The following MMP10 variants were observed in gnomAD, a reference collection of about 807,000 sequenced individuals.
The protein encoded by MMP10 is stromelysin-2.
In MMP10, 50 loss-of-function variants were observed where a neutral mutation model predicts 49.1. That is an observed-to-expected ratio of 1.02 (90% CI 0.81 to 1.29). The LOEUF (loss-of-function observed/expected upper bound fraction) is 1.29, where lower values mean the gene tolerates loss of function less well. Ranked by LOEUF, MMP10 falls within the 50% of genes most tolerant of loss-of-function variation. The pLI is 0.00. For missense variants in MMP10, 613 were observed against 563.8 expected, an observed-to-expected ratio of 1.09 and a Z score of -0.88; for synonymous variants, 229 against 201.6, an observed-to-expected ratio of 1.14 and a Z score of -1.15.
At chr11:102,771,552 A>G (rs893626120) in intron 9 of MMP10, among the ~76,000 whole-genome samples, 8 of 152,170 alleles carry the variant, frequency 5.3e-5, no homozygotes, top group Admixed American at 4.6e-4. Flanking sequence ...GAGGACTAGT[A>G]TTTTATTTAC....
chr11:102,772,146 G>A lies in MMP10; in HGVS notation c.1227-31C>T. ...CCAAATGAAAGAAATACAGTTCAAT[G>A]ATGTGCAGTAGTCCCATTACACACA... On this transcript the variant is annotated intron_variant, in intron 8 of 9. Transcript: ENST00000279441. This position sits in a 1 kb window ranked among gnomAD's most constrained non-coding sequence, Gnocchi z 4.4. The A allele has an allele frequency of 7.5e-7, 1 of 1,340,138 alleles. No individual in the cohort carries two copies. Among genetic ancestry groups the A allele is most frequent in the Non-Finnish European group, 1.1e-6 (1 of 932,630 alleles). 83.0% of individuals were successfully genotyped at this position (1,340,138 alleles called of 1,614,324 possible).
chr11:102,779,919 G>A (rs555548254), intron 1 of MMP10, among the ~76,000 whole-genome samples, 174 bp from the exon 2 acceptor site: 1 of 152,258 alleles, frequency 6.6e-6, no homozygotes, highest in East Asian at 1.9e-4. Context: ...TTATTGCAAT[G>A]TTAGTTTGCT....
At chr11:102,775,470 G>A (rs1171877487) in intron 6 of MMP10, 149 bp from the exon 7 acceptor site, 4 of 582,988 alleles carry the variant, frequency 6.9e-6, no homozygotes, top group South Asian at 3.8e-5. Context: ...TAATGAAATC[G>A]ATGGCAGGAC....
At position 102,772,100 on chromosome 11, in the gene MMP10, G is replaced by C; in HGVS notation, c.1242C>G (p.Ser414Arg). Residue 414 changes from serine to arginine, a missense_variant, in exon 9 of 10, where the codon AGC (serine) becomes AGG (arginine). Transcript: ENST00000279441. This position sits in a 1 kb window ranked among gnomAD's most constrained non-coding sequence, Gnocchi z 4.4. Reference protein sequence around the residue: ...ADKYWRFDENSQSMEQGFPRL... With the variant: ...ADKYWRFDENRQSMEQGFPRL... ...TAGGGAAGCCTTGCTCCATGGACTG[G>C]CTATTTTCATCAAATCTAAACCAAA... 1 of 1,610,446 alleles carries C rather than the reference G, an allele frequency of 6.2e-7. No homozygotes were observed. The highest frequency in any genetic ancestry group is 8.5e-7 in the Non-Finnish European group (1 of 1,176,998).
rs754259716 is a variant in MMP10 at position 102,780,499 on chromosome 11, C to T, written c.93G>A (p.Lys31=). Residue 31 remains lysine, a synonymous_variant, in exon 1 of 10, where the codon AAG becomes AAA. Coordinates refer to ENST00000279441, the MANE Select transcript of MMP10 (RefSeq NM_002425.3). Reference sequence around the variant, plus strand: ...CACCGTTAATTACCTGGGCAAGATCCTTGTTGGAGTCCTCCTCTTTTGCTG... The same window carrying T: ...CACCGTTAATTACCTGGGCAAGATCTTTGTTGGAGTCCTCCTCTTTTGCTG... ...SGAAKEEDSN[K]DLAQQYLEKY... 61 of 1,613,798 alleles carry T rather than the reference C, an allele frequency of 3.8e-5. No homozygotes were observed. In the Middle Eastern group the frequency reaches 6.6e-4, roughly 17 times the overall value.
intron 9 of MMP10, 69 bp from the exon 10 acceptor site, chr11:102,770,962 G>C (rs542809159): frequency 1.3e-5 from 13 of 1,032,508 alleles, no homozygotes; most frequent in Admixed American, 1.9e-5. Context: ...ATATAACTTA[G>C]ATTAAGTACA....
intron 1 of MMP10, 92 bp from the exon 2 acceptor site, chr11:102,779,837 A>C: frequency 1.4e-6 from 2 of 1,390,404 alleles, no homozygotes; most frequent in Non-Finnish European, 1.9e-6. Flanking sequence ...CTAGTTTCTT[A>C]AAACAAAAGA....
At position 102,771,812 on chromosome 11, in the gene MMP10, AACACACACAC is replaced by A. The variant is rs61090976; in HGVS notation, c.1330+190_1330+199del. Among the ~76,000 whole-genome samples the A allele has an allele frequency of 2.5e-3, 376 of 150,190 alleles. 1 individual carries two copies. Among genetic ancestry groups the A allele is most frequent in the African/African-American group, 8.4e-3 (343 of 40,810 alleles). Reference sequence around the variant, plus strand: ...CAGAGACTAGGAAGTTATTCAGGAAAACACACACACACACACACACACACACACACAAATT... The same window carrying A: ...CAGAGACTAGGAAGTTATTCAGGAAAACACACACACACACACACACAAATT... On this transcript the variant is annotated intron_variant, in intron 9 of 9. Coordinates refer to ENST00000279441, the MANE Select transcript of MMP10 (RefSeq NM_002425.3).
In MMP10 at chr11:102,778,620, C is replaced by A; in HGVS notation, c.622+4G>T. 1 of 1,613,658 alleles carries A rather than the reference C, an allele frequency of 6.2e-7. No homozygotes were observed. The highest frequency in any genetic ancestry group is 8.5e-7 in the Non-Finnish European group (1 of 1,179,846). On this transcript the variant is annotated splice_donor_region_variant and intron_variant, in intron 4 of 9. Transcript: ENST00000279441. The stretch of plus-strand genomic sequence containing the variant: ...GAAATGTTCCCGAGAGGTTTACGAC[C>A]CACCTGATGCATCTTCTGTCCATTT...
intron 1 of MMP10, among the ~76,000 whole-genome samples, 185 bp downstream of exon 1, chr11:102,780,302 C>T (rs900044879): frequency 9.9e-5 from 15 of 152,190 alleles, no homozygotes; most frequent in African/African-American, 3.4e-4. Context: ...TATTCCCTTT[C>T]TGAACCTTTC....
At chr11:102,776,878 T>TTG in intron 4 of MMP10, 102 bp from the exon 5 acceptor site, 1 of 1,324,488 alleles carries the variant, frequency 7.6e-7, no homozygotes, top group South Asian at 1.3e-5. Flanking sequence ...GAAACCACAA[T>TTG]GTCTTTTCAG....
intron 1 of MMP10, 32 bp downstream of exon 1, chr11:102,780,455 C>A (rs1857813531): frequency 6.3e-7 from 1 of 1,579,920 alleles, no homozygotes; most frequent in Non-Finnish European, 8.7e-7. Flanking sequence ...TTGAGCTGGC[C>A]AGTAGCTGCA....
chr11:102,779,680 A>G lies in MMP10; in HGVS notation c.171T>C (p.Asn57=), dbSNP rs1857798453. The G allele has an allele frequency of 1.3e-5, 21 of 1,613,806 alleles. No individual in the cohort carries two copies. The highest frequency in any genetic ancestry group is 1.7e-5 in the Non-Finnish European group (20 of 1,179,990). ...TTCCTTGGATTTTTTTAACAATGAG[A>G]TTACTGTCCTTTCTTCTAAACTGTT... is the stretch of plus-strand genomic sequence containing the variant. ...DVKQFRRKDS[N]LIVKKIQGMQ... is the part of the protein sequence containing the mutation. The change falls in exon 2 of 10, where the codon AAT becomes AAC. Residue 57 remains asparagine, a synonymous_variant. Coordinates refer to ENST00000279441, the MANE Select transcript of MMP10 (RefSeq NM_002425.3).
chr11:102,774,085 AG>A (rs745669463), intron 7 of MMP10, among the ~76,000 whole-genome samples: 1 of 152,268 alleles, frequency 6.6e-6, no homozygotes, highest in Non-Finnish European at 1.5e-5. Flanking sequence ...ATCTCCATAA[AG>A]CTTGACATTT....
intron 9 of MMP10, among the ~76,000 whole-genome samples, 200 bp downstream of exon 9, chr11:102,771,812 A>AAC (rs61090976): frequency 0.14 from 20,575 of 150,054 alleles, 1,479 homozygotes; most frequent in Middle Eastern, 0.26. Context: ...TATTCAGGAA[A>AAC]ACACACACAC....
At position 102,772,155 on chromosome 11, in the gene MMP10, T is replaced by C; in HGVS notation, c.1227-40A>G. On this transcript the variant is annotated intron_variant, in intron 8 of 9. Transcript: ENST00000279441. This position sits in a 1 kb window ranked among gnomAD's most constrained non-coding sequence, Gnocchi z 4.4. The stretch of plus-strand genomic sequence containing the variant: ...AGAAATACAGTTCAATGATGTGCAG[T>C]AGTCCCATTACACACAATAGTATAA... The C allele has an allele frequency of 8.1e-7, 1 of 1,238,748 alleles. No individual in the cohort carries two copies. 76.7% of individuals were successfully genotyped at this position (1,238,748 alleles called of 1,614,324 possible).
intron 7 of MMP10, among the ~76,000 whole-genome samples, chr11:102,774,243 T>C (rs1180827602): frequency 6.6e-6 from 1 of 152,164 alleles, no homozygotes; most frequent in Non-Finnish European, 1.5e-5. Flanking sequence ...TAAATGCTTG[T>C]ATTAGAAAAG....
intron 9 of MMP10, among the ~76,000 whole-genome samples, 196 bp downstream of exon 9, chr11:102,771,816 C>CACACAA (rs1403372050): frequency 1.3e-5 from 1 of 77,798 alleles, no homozygotes; most frequent in Non-Finnish European, 3.3e-5. Flanking sequence ...CAGGAAAACA[C>CACACAA]ACACACACAC....
intron 3 of MMP10, 116 bp downstream of exon 3, chr11:102,779,097 T>C (rs530865621): frequency 1.4e-6 from 2 of 1,448,552 alleles, no homozygotes; most frequent in East Asian, 2.3e-5. Flanking sequence ...CTTCCCAGCC[T>C]CCAGAATTGT....
Sources: gnomAD v4.1 joint callset for allele counts (sites outside exome capture counted in the v4.1 genomes callset) on GRCh38, gnomAD v4.1.1 for gene constraint, Gnocchi (gnomAD v3.1) non-coding constraint, MANE v1.5 for transcripts, NCBI Gene and HGNC (gene_info 2026-07-23, HGNC 2026-07-21) for gene names.